ECRG4: variants seen among roughly 807,000 people sequenced by gnomAD.
ECRG4 encodes the protein ECRG4 augurin precursor.
ECRG4 carries 18 observed loss-of-function variants against 15.8 expected under a neutral mutation model. That is an observed-to-expected ratio of 1.14 (90% CI 0.79 to 1.69). The LOEUF is 1.69. Among genes scored for constraint, ECRG4 ranks in the 40% most tolerant of loss-of-function variants. The probability of loss-of-function intolerance (pLI) is 0.00; values close to 1 mark genes in which losing one functional copy is unlikely to be tolerated. For synonymous variants in ECRG4, 82 were observed against 73.9 expected (o/e 1.11, Z -0.56); for missense variants, 200 against 190.9 (o/e 1.05, Z -0.28).
chr2:106,064,170 A>T (rs1265060389), upstream of ECRG4: 1 of 152,202 alleles, frequency 6.6e-6, no homozygotes, highest in African/African-American at 2.4e-5. Context: ...AGATAGCTAG[A>T]TGTGTAACAT....
At chr2:106,069,989 T>C (rs1277023901) in intron 1 of ECRG4, among the ~76,000 whole-genome samples, 1 of 152,186 alleles carries the variant, frequency 6.6e-6, no homozygotes, top group African/African-American at 2.4e-5. Context: ...TACGCCGATA[T>C]CTTAGCTGGC....
At chr2:106,070,709 G>A (rs564241729) in intron 1 of ECRG4, 2 of 265,038 alleles carry the variant, frequency 7.5e-6, no homozygotes, top group South Asian at 7.8e-5. Context: ...ACACTTTTAA[G>A]AGTCTGGCAA....
chr2:106,071,721 G>A, intron 1 of ECRG4, 123 bp from the exon 2 acceptor site: 1 of 690,300 alleles, frequency 1.4e-6, no homozygotes, highest in East Asian at 2.7e-5. Context: ...ATACTGTGAT[G>A]TTACCAAGTT....
At chr2:106,065,618 G>A, upstream of ECRG4, 1 of 516,240 alleles carries the variant, frequency 1.9e-6, no homozygotes, top group Non-Finnish European at 3.1e-6. Flanking sequence ...CCTCTGGCGC[G>A]GCGCCCACCC....
In ECRG4 at chr2:106,074,059, G is replaced by A. The variant is rs199569306; in HGVS notation, c.285+16G>A. 45 of 1,609,126 alleles carry A rather than the reference G, an allele frequency of 2.8e-5. No homozygotes were observed. Among genetic ancestry groups the A allele is most frequent in the Admixed American group, 3.3e-5 (2 of 60,000 alleles). ...TGACGAAGCGGTAGGTGTTGCCTCC[G>A]GCTGCAGGCCTGGCTTCCACAGGGA... On this transcript the variant is annotated intron_variant, in intron 3 of 3. Transcript: ENST00000238044.
At chr2:106,067,791 A>G (rs908123523) in intron 1 of ECRG4, among the ~76,000 whole-genome samples, 4 of 151,982 alleles carry the variant, frequency 2.6e-5, no homozygotes, top group Non-Finnish European at 4.4e-5. Flanking sequence ...CCTACAGTGA[A>G]AATCTTTATG....
intron 1 of ECRG4, among the ~76,000 whole-genome samples, chr2:106,069,947 C>A (rs927076804): frequency 2.6e-5 from 4 of 152,164 alleles, no homozygotes; most frequent in Admixed American, 6.5e-5. Flanking sequence ...ACAACAAAAA[C>A]CACTGCAGCT....
At chr2:106,066,091 G>T (rs1306992872) in intron 1 of ECRG4, among the ~76,000 whole-genome samples, 1 of 152,232 alleles carries the variant, frequency 6.6e-6, no homozygotes, top group Non-Finnish European at 1.5e-5. Flanking sequence ...GATCTCCCGG[G>T]CAACCTTGGG....
intron 1 of ECRG4, chr2:106,070,915 G>A (rs527831361): frequency 1.3e-5 from 6 of 471,282 alleles, no homozygotes; most frequent in African/African-American, 6.0e-5. Context: ...CACTACTTAC[G>A]ATGTCATGCA....
intron 1 of ECRG4, among the ~76,000 whole-genome samples, chr2:106,071,484 G>A (rs1406664570): frequency 2.0e-5 from 3 of 152,076 alleles, no homozygotes; most frequent in Non-Finnish European, 4.4e-5. Context: ...GTTTCAGGAG[G>A]ACACTATTCA....
rs545824976 is a variant in ECRG4, at chr2:106,075,582, G to T, written c.285+1539G>T. On this transcript the variant is annotated intron_variant, in intron 3 of 3. Coordinates refer to ENST00000238044, the MANE Select transcript of ECRG4 (RefSeq NM_032411.3). The stretch of plus-strand genomic sequence containing the variant: ...ACTAAAAATACAAAAAATTAGCCAG[G>T]TGTGTGGCTCACGCCTGTAGTCTCA... Among the ~76,000 whole-genome samples the T allele has an allele frequency of 2.0e-4, 30 of 152,312 alleles. 1 individual carries two copies. The South Asian group carries it at 6.2e-3, about 32-fold the overall frequency.
upstream of ECRG4, among the ~76,000 whole-genome samples, chr2:106,065,229 C>CAGGG: frequency 2.0e-5 from 3 of 152,074 alleles, no homozygotes; most frequent in East Asian, 1.9e-4. Flanking sequence ...GGCCCCCAAG[C>CAGGG]AGGGAGGGAG....
chr2:106,070,969 G>A (rs775052938), intron 1 of ECRG4: 62 of 471,234 alleles, frequency 1.3e-4, no homozygotes, highest in Middle Eastern at 3.2e-4. Flanking sequence ...AAGCCAGTTC[G>A]CTGGGTGGAG....
rs1573356575 is a variant in ECRG4 at position 106,065,989 on chromosome 2, G to A, written c.79+146G>A. ...GCCTAGGCAGGGCCAAGGGGTGGTA[G>A]AGGACCGGGTCTGGGGTTTTGCACT... On this transcript the variant is annotated intron_variant, in intron 1 of 3. Transcript: ENST00000238044. The A allele has an allele frequency of 1.0e-5, 7 of 674,570 alleles. No individual in the cohort carries two copies. In the East Asian group the frequency reaches 2.4e-4, roughly 23 times the overall value. 41.8% of individuals were successfully genotyped at this position (674,570 alleles called of 1,614,324 possible).
At position 106,067,152 on chromosome 2, in the gene ECRG4, C is replaced by T. The variant is rs113771514; in HGVS notation, c.79+1309C>T. Among the ~76,000 whole-genome samples, 6 of 142,622 alleles carry T rather than the reference C, an allele frequency of 4.2e-5. No individual in the cohort carries two copies. In the East Asian group the frequency reaches 8.8e-4, roughly 21 times the overall value. 93.6% of individuals were successfully genotyped at this position (142,622 alleles called of 152,430 possible). ...CCCCGTCTCTACTAAAAATGCCAGA[C>T]GTGATGGCACGTTCCTGTAATCCCA... On this transcript the variant is annotated intron_variant, in intron 1 of 3. Transcript: ENST00000238044.
chr2:106,066,695 C>T (rs1676222854), intron 1 of ECRG4, among the ~76,000 whole-genome samples: 1 of 152,198 alleles, frequency 6.6e-6, no homozygotes, highest in South Asian at 2.1e-4. Context: ...GAGACTGGCG[C>T]TGTCCCACTG....
chr2:106,073,582 G>T (rs1676416582), intron 2 of ECRG4, among the ~76,000 whole-genome samples: 1 of 152,216 alleles, frequency 6.6e-6, no homozygotes, highest in South Asian at 2.1e-4. Flanking sequence ...GGAAAGGCCT[G>T]GGCCCTGGGT....
intron 1 of ECRG4, among the ~76,000 whole-genome samples, chr2:106,071,322 T>TAAAACAAAAAAAAAAAAAAAAA (rs1676362640): frequency 1.3e-5 from 1 of 78,332 alleles, no homozygotes; most frequent in Non-Finnish European, 2.3e-5. Flanking sequence ...GGTAAGGCTG[T>TAAAACAAAAAAAAAAAAAAAAA]AAAAAAAAAA....
At chr2:106,065,273 G>T (rs1287082503), upstream of ECRG4, among the ~76,000 whole-genome samples, 1 of 152,100 alleles carries the variant, frequency 6.6e-6, no homozygotes, top group South Asian at 2.1e-4. Flanking sequence ...GGAGTAAGGG[G>T]AACAGTGGCG....
Sources: gnomAD v4.1 joint callset for allele counts (sites outside exome capture counted in the v4.1 genomes callset) on GRCh38, gnomAD v4.1.1 for gene constraint, MANE v1.5 for transcripts, NCBI Gene and HGNC (gene_info 2026-07-23, HGNC 2026-07-21) for gene names.